KCNB2: variants seen among roughly 807,000 people sequenced by gnomAD.
KCNB2 encodes potassium voltage-gated channel subfamily B member 2.
A neutral mutation model predicts 61.5 loss-of-function variants in KCNB2; 15 were observed. The ratio of observed to expected loss-of-function variants is 0.24; its 90% confidence interval spans 0.16 to 0.38. The LOEUF is 0.38. KCNB2 is among the 10% of genes least tolerant of loss of function. The probability of loss-of-function intolerance (pLI) is 1.00; values close to 1 mark genes in which losing one functional copy is unlikely to be tolerated. For synonymous variants in KCNB2, 457 were observed against 446.0 expected, an observed-to-expected ratio of 1.02 and a Z score of -0.31; for missense variants, 828 against 1,125.2, an observed-to-expected ratio of 0.74 and a Z score of 3.78.
intron 2 of KCNB2, among the ~76,000 whole-genome samples, chr8:72,721,516 A>C (rs1349684269): frequency 1.3e-5 from 2 of 152,228 alleles, no homozygotes; most frequent in East Asian, 1.9e-4. Context: ...TGACTGGGCT[A>C]ATGTAAGAAA....
At chr8:72,563,904 T>C (rs967715802) in intron 1 of KCNB2, among the ~76,000 whole-genome samples, 2 of 152,216 alleles carry the variant, frequency 1.3e-5, no homozygotes, top group Non-Finnish European at 2.9e-5. Context: ...AAAAAATCTT[T>C]TAACCATGGT....
At chr8:72,897,265 A>T (rs1806007061) in intron 2 of KCNB2, among the ~76,000 whole-genome samples, 1 of 135,234 alleles carries the variant, frequency 7.4e-6, no homozygotes, top group Admixed American at 7.1e-5. Context: ...ATACAAAATC[A>T]AGTGAAAATA....
At chr8:72,640,933 C>T (rs934082944) in intron 2 of KCNB2, among the ~76,000 whole-genome samples, 2 of 152,084 alleles carry the variant, frequency 1.3e-5, no homozygotes, top group African/African-American at 4.8e-5. Context: ...AGTGCCCTCT[C>T]CAGCCATAAT....
Position 72,763,036 on chromosome 8 carries a change from T to C in KCNB2, c.580-172899T>C, listed in dbSNP as rs562027504. Among the ~76,000 whole-genome samples, 8 of 119,526 alleles carry C rather than the reference T, an allele frequency of 6.7e-5. No individual in the cohort carries two copies. The South Asian group carries it at 1.3e-3, about 20-fold the overall frequency. 78.4% of individuals were successfully genotyped at this position (119,526 alleles called of 152,430 possible). On this transcript the variant is annotated intron_variant, in intron 2 of 2. Transcript: ENST00000523207. ...AATTAAGTTATCTTCAACGAGAACTTTGCAAAGTAAAAAAAAAAAAAAAAC... is the reference window on the plus strand; with the variant it reads ...AATTAAGTTATCTTCAACGAGAACTCTGCAAAGTAAAAAAAAAAAAAAAAC...
chr8:72,590,534 T>A (rs1228049932), intron 2 of KCNB2, among the ~76,000 whole-genome samples: 1 of 152,206 alleles, frequency 6.6e-6, no homozygotes, highest in Non-Finnish European at 1.5e-5. Flanking sequence ...CTTTCATAAA[T>A]GTATTTCTAT....
At chr8:72,626,918 C>T (rs539637200) in intron 2 of KCNB2, among the ~76,000 whole-genome samples, 1 of 152,318 alleles carries the variant, frequency 6.6e-6, no homozygotes, top group East Asian at 1.9e-4. Flanking sequence ...AAGATATCGA[C>T]ATGCATCTTC....
intron 2 of KCNB2, among the ~76,000 whole-genome samples, chr8:72,928,191 C>CTT (rs879676235): frequency 3.2e-4 from 43 of 134,904 alleles, no homozygotes; most frequent in African/African-American, 1.1e-3. Context: ...CACTTTCTTT[C>CTT]TTTTTTTTTT....
At chr8:72,802,185 ATAT>A (rs1215655023) in intron 2 of KCNB2, among the ~76,000 whole-genome samples, 1 of 152,226 alleles carries the variant, frequency 6.6e-6, no homozygotes, top group Non-Finnish European at 1.5e-5. Flanking sequence ...ACAGAGCTGA[ATAT>A]TTTTCAGCAA....
At chr8:72,800,977 C>T (rs1809116187) in intron 2 of KCNB2, among the ~76,000 whole-genome samples, 4 of 152,174 alleles carry the variant, frequency 2.6e-5, no homozygotes, top group African/African-American at 9.7e-5. Context: ...TCACAAGTGT[C>T]CCTCACATTA....
Position 72,689,131 on chromosome 8 carries a change from TAG to T in KCNB2, c.579+120830_579+120831del, listed in dbSNP as rs552001212. On this transcript the variant is annotated intron_variant, in intron 2 of 2. Coordinates refer to ENST00000523207, the MANE Select transcript of KCNB2 (RefSeq NM_004770.3). The stretch of plus-strand genomic sequence containing the variant: ...AGATGGAAGTAGATATAAATGGAGA[TAG>T]AGAGAGAGAGATAGTACTTTAAAAG... 2.6e-4 allele frequency among the ~76,000 whole-genome samples: 40 copies of T among 152,040 alleles called. No individual in the cohort carries two copies. In the South Asian group the frequency reaches 5.8e-3, roughly 22 times the overall value.
At chr8:72,604,696 A>C (rs1221576101) in intron 2 of KCNB2, among the ~76,000 whole-genome samples, 5 of 152,214 alleles carry the variant, frequency 3.3e-5, no homozygotes, top group Non-Finnish European at 7.3e-5. Flanking sequence ...TACCCATTTA[A>C]ATTAACATTT....
intron 2 of KCNB2, among the ~76,000 whole-genome samples, chr8:72,623,582 G>A (rs1462652688): frequency 6.6e-6 from 1 of 152,160 alleles, no homozygotes; most frequent in Non-Finnish European, 1.5e-5. Flanking sequence ...AGGTGGATAG[G>A]TTATCAGGGG....
chr8:72,556,630 T>C (rs1806433432), intron 1 of KCNB2, among the ~76,000 whole-genome samples: 1 of 152,202 alleles, frequency 6.6e-6, no homozygotes, highest in Non-Finnish European at 1.5e-5. Flanking sequence ...CAAAGTCCAA[T>C]TTTTAAATTA....
intron 2 of KCNB2, among the ~76,000 whole-genome samples, chr8:72,778,332 C>A (rs1402898508): frequency 3.3e-5 from 5 of 152,140 alleles, no homozygotes; most frequent in African/African-American, 1.2e-4. Flanking sequence ...TCCTACCAAT[C>A]CTTTCGGTGC....
chr8:72,815,560 C>T (rs938980536), intron 2 of KCNB2, among the ~76,000 whole-genome samples: 3 of 152,138 alleles, frequency 2.0e-5, no homozygotes, highest in Non-Finnish European at 4.4e-5. Flanking sequence ...CTAAACCACT[C>T]AATAAATATT....
chr8:72,699,826 C>T (rs560998535), intron 2 of KCNB2, among the ~76,000 whole-genome samples: 1 of 151,988 alleles, frequency 6.6e-6, no homozygotes, highest in Non-Finnish European at 1.5e-5. Flanking sequence ...ACCATTTGAC[C>T]CAGCAATCCC....
chr8:72,911,991 G>C (rs766486060), intron 2 of KCNB2, among the ~76,000 whole-genome samples: 1 of 152,042 alleles, frequency 6.6e-6, no homozygotes, highest in Non-Finnish European at 1.5e-5. Context: ...CTTAAAATGT[G>C]GTTAAGAGTC....
chr8:72,653,882 TG>T (rs1316860596), intron 2 of KCNB2, among the ~76,000 whole-genome samples: 1 of 152,228 alleles, frequency 6.6e-6, no homozygotes, highest in Non-Finnish European at 1.5e-5. Context: ...AAATTTAATT[TG>T]GTTTTAGGAT....
intron 2 of KCNB2, among the ~76,000 whole-genome samples, chr8:72,690,920 A>G (rs571330119): frequency 6.6e-6 from 1 of 152,272 alleles, no homozygotes; most frequent in Admixed American, 6.5e-5. Context: ...TCCTGAAAGT[A>G]ATGACAACTG....
Sources: allele counts gnomAD v4.1 joint callset (sites outside exome capture counted in the v4.1 genomes callset), GRCh38; gene constraint gnomAD v4.1.1; transcripts MANE v1.5; gene names NCBI Gene and HGNC (gene_info 2026-07-23, HGNC 2026-07-21).